Variants in OR51C1 observed in about 807,000 individuals in gnomAD.
OR51C1 encodes olfactory receptor family 51 subfamily C member 1, also known as olfactory receptor OR51C1.
chr11:4,694,258 A>G, the OR51C1 span, among the ~76,000 whole-genome samples: 1 of 151,818 alleles, frequency 6.6e-6, no homozygotes, highest in Non-Finnish European at 1.5e-5. Flanking sequence ...AGAAAACCAT[A>G]GTGTATATAT....
At chr11:4,694,006 A>T in the OR51C1 span, among the ~76,000 whole-genome samples, 13 of 152,194 alleles carry the variant, frequency 8.5e-5, no homozygotes, top group Admixed American at 7.2e-4. Context: ...ATGTCAATTA[A>T]TTCTGGCTTT....
the OR51C1 span, among the ~76,000 whole-genome samples, chr11:4,695,434 T>C: frequency 6.6e-6 from 1 of 152,204 alleles, no homozygotes; most frequent in African/African-American, 2.4e-5. Context: ...ATATATTGAA[T>C]AGTTTTCATA....
the OR51C1 span, chr11:4,690,949 T>G: frequency 2.2e-6 from 1 of 454,452 alleles, no homozygotes; most frequent in Admixed American, 2.4e-5. Context: ...ATGTAATATA[T>G]AGCAAAAGCC....
At chr11:4,695,889 C>T in the OR51C1 span, among the ~76,000 whole-genome samples, 2 of 152,088 alleles carry the variant, frequency 1.3e-5, no homozygotes, top group African/African-American at 4.8e-5. Context: ...TCTTGCTTTT[C>T]ATATGCTCTC....
the OR51C1 span, among the ~76,000 whole-genome samples, chr11:4,693,676 G>A: frequency 1.3e-5 from 2 of 152,082 alleles, no homozygotes; most frequent in Admixed American, 6.5e-5. Context: ...GAACCGAGAT[G>A]GCGCCATTGC....
At chr11:4,692,535 A>G in the OR51C1 span, among the ~76,000 whole-genome samples, 1 of 152,236 alleles carries the variant, frequency 6.6e-6, no homozygotes, top group Admixed American at 6.5e-5. Context: ...TTCGGAGGGA[A>G]AAATATAACT....
At chr11:4,692,509 A>G in the OR51C1 span, among the ~76,000 whole-genome samples, 2 of 152,218 alleles carry the variant, frequency 1.3e-5, no homozygotes, top group Admixed American at 6.5e-5. Flanking sequence ...TACCTAATTG[A>G]ATGTTACTGT....
At chr11:4,692,941 C>A in the OR51C1 span, among the ~76,000 whole-genome samples, 3 of 151,868 alleles carry the variant, frequency 2.0e-5, no homozygotes, top group African/African-American at 7.3e-5. Flanking sequence ...CACGATTTGG[C>A]CAAATAATGA....
chr11:4,697,077 G>A, the OR51C1 span, among the ~76,000 whole-genome samples: 3 of 152,282 alleles, frequency 2.0e-5, no homozygotes, highest in East Asian at 5.8e-4. Context: ...AGTATTATTA[G>A]ATTCACTTTA....
At chr11:4,691,294 T>A in the OR51C1 span, 1 of 457,246 alleles carries the variant, frequency 2.2e-6, no homozygotes, top group Admixed American at 2.3e-5. Context: ...TCAGTTAAAA[T>A]CATGGCATAC....
chr11:4,691,090 T>A, the OR51C1 span: 1 of 456,612 alleles, frequency 2.2e-6, no homozygotes, highest in Non-Finnish European at 4.4e-6. Context: ...GTAGAGAACA[T>A]GGCAGTCAGC....
chr11:4,695,461 G>A, the OR51C1 span, among the ~76,000 whole-genome samples: 1 of 152,268 alleles, frequency 6.6e-6, no homozygotes, highest in Admixed American at 6.5e-5. Flanking sequence ...CTTGTGCTTT[G>A]ATAGTGAGGG....
At chr11:4,697,225 GT>G in the OR51C1 span, among the ~76,000 whole-genome samples, 1 of 152,084 alleles carries the variant, frequency 6.6e-6, no homozygotes, top group Non-Finnish European at 1.5e-5. Flanking sequence ...AAAAACAATT[GT>G]TTTACTGAAA....
At chr11:4,695,757 G>T in the OR51C1 span, among the ~76,000 whole-genome samples, 1 of 145,018 alleles carries the variant, frequency 6.9e-6, no homozygotes. Flanking sequence ...ATTAGCTTCA[G>T]TGATGGTTAT....
At chr11:4,696,729 C>T in the OR51C1 span, among the ~76,000 whole-genome samples, 108 of 152,220 alleles carry the variant, frequency 7.1e-4, 2 homozygotes, top group Non-Finnish European at 3.2e-4. Flanking sequence ...AAGCTATATT[C>T]TCTCAACTAA....
the OR51C1 span, among the ~76,000 whole-genome samples, chr11:4,695,814 C>A: frequency 6.6e-6 from 1 of 151,518 alleles, no homozygotes; most frequent in Middle Eastern, 3.2e-3. Flanking sequence ...TGGTTTTGTT[C>A]TCTGCCTTAT....
the OR51C1 span, among the ~76,000 whole-genome samples, chr11:4,696,578 A>T: frequency 1.3e-5 from 2 of 152,192 alleles, no homozygotes; most frequent in African/African-American, 4.8e-5. Context: ...TATATTCAAG[A>T]CAAGAGGGGG....
At chr11:4,691,478 C>T in the OR51C1 span, 2 of 455,740 alleles carry the variant, frequency 4.4e-6, no homozygotes, top group Admixed American at 2.4e-5. Context: ...TGGATATGGA[C>T]AGGCCGAGGT....
At chr11:4,691,354 G>A in the OR51C1 span, 4 of 457,762 alleles carry the variant, frequency 8.7e-6, no homozygotes, top group Middle Eastern at 3.2e-4. Context: ...ATGGCCAACA[G>A]CACTGAGGAT....
Sources: gnomAD v4.1 joint callset for allele counts (sites outside exome capture counted in the v4.1 genomes callset) on GRCh38, gnomAD v4.1.1 for gene constraint, MANE v1.5 for transcripts, NCBI Gene and HGNC (gene_info 2026-07-23, HGNC 2026-07-21) for gene names.